The following ROBO1 variants were observed in gnomAD, a reference collection of about 807,000 sequenced individuals.
ROBO1 encodes roundabout homolog 1.
A neutral mutation model predicts 195.9 loss-of-function variants in ROBO1; 149 were observed. The observed-to-expected ratio is 0.76, with a 90% CI of 0.67 to 0.87. The LOEUF is 0.87. Ranked by LOEUF, ROBO1 falls within the 40% of genes least tolerant of loss-of-function variation. The probability of loss-of-function intolerance (pLI) is 0.00; values close to 1 mark genes in which losing one functional copy is unlikely to be tolerated. For missense variants in ROBO1, 1,933 were observed against 2,068.3 expected, an observed-to-expected ratio of 0.93 and a Z score of 1.27; for synonymous variants, 816 against 733.2, an observed-to-expected ratio of 1.11 and a Z score of -1.82.
intron 4 of ROBO1, among the ~76,000 whole-genome samples, chr3:78,930,015 A>G (rs1242755308): frequency 6.6e-6 from 1 of 152,180 alleles, no homozygotes; most frequent in East Asian, 1.9e-4. Context: ...GTTATCCCCA[A>G]AAGAGATACT....
intron 4 of ROBO1, among the ~76,000 whole-genome samples, chr3:78,784,167 A>G (rs1036257971): frequency 6.6e-6 from 1 of 152,164 alleles, no homozygotes; most frequent in African/African-American, 2.4e-5. Context: ...TCATATAACA[A>G]TAATAGTTTT....
At chr3:78,978,380 C>T (rs1392356507) in intron 3 of ROBO1, among the ~76,000 whole-genome samples, 1 of 152,060 alleles carries the variant, frequency 6.6e-6, no homozygotes, top group African/African-American at 2.4e-5. Context: ...CTTCCATAGA[C>T]TGCTGCTTTA....
intron 3 of ROBO1, among the ~76,000 whole-genome samples, chr3:78,953,470 A>G (rs924678367): frequency 6.6e-6 from 1 of 152,084 alleles, no homozygotes; most frequent in East Asian, 1.9e-4. Context: ...TGTAGTATGA[A>G]TTGTGTTAAG....
At chr3:79,740,564 A>G (rs1425882978) in intron 1 of ROBO1, among the ~76,000 whole-genome samples, 1 of 152,134 alleles carries the variant, frequency 6.6e-6, no homozygotes, top group Non-Finnish European at 1.5e-5. Flanking sequence ...GGCAGGACTG[A>G]GAATGAGTGC....
intron 2 of ROBO1, among the ~76,000 whole-genome samples, chr3:79,196,904 A>T (rs1310955284): frequency 1.3e-5 from 2 of 151,654 alleles, no homozygotes; most frequent in African/African-American, 4.8e-5. Flanking sequence ...TCTCTCTCTG[A>T]GTTTGCATTA....
At chr3:79,053,341 T>C (rs1337309749) in intron 3 of ROBO1, among the ~76,000 whole-genome samples, 3 of 151,992 alleles carry the variant, frequency 2.0e-5, no homozygotes, top group African/African-American at 7.2e-5. Flanking sequence ...TCCAGTGACT[T>C]TGGATTATGG....
chr3:79,561,500 C>T (rs1169508144), intron 2 of ROBO1, among the ~76,000 whole-genome samples: 2 of 152,052 alleles, frequency 1.3e-5, no homozygotes, highest in African/African-American at 2.4e-5. Context: ...AATTGAGGGA[C>T]AAGAGTAGAT....
At chr3:79,412,395 A>T (rs958531926) in intron 2 of ROBO1, among the ~76,000 whole-genome samples, 6 of 152,136 alleles carry the variant, frequency 3.9e-5, no homozygotes, top group African/African-American at 1.4e-4. Flanking sequence ...AATAAGGAAA[A>T]GCTGTGATTT....
At chr3:79,665,418 A>T (rs1946448309) in intron 1 of ROBO1, among the ~76,000 whole-genome samples, 1 of 151,848 alleles carries the variant, frequency 6.6e-6, no homozygotes, top group Non-Finnish European at 1.5e-5. Context: ...AAAAACATAT[A>T]TTTTCAGCTA....
Position 78,606,846 on chromosome 3 carries a change from C to A in ROBO1, c.4631G>T (p.Arg1544Leu), listed in dbSNP as rs760892507. The change falls in exon 29 of 31, where the codon CGA becomes CTA. Residue 1544 changes from arginine to leucine, a missense_variant. Arg to Leu is a moderately radical substitution (Grantham distance 102, BLOSUM62 -2). Coordinates refer to ENST00000464233, the MANE Select transcript of ROBO1 (RefSeq NM_002941.4). ...VLDGRQVVDM[R>L]TNPGDPREAQ... ...TTCTCTGGGATCACCTGGATTTGTTCGCATGTCAACAACCTGTCTTCCATC... is the reference window on the plus strand; with the variant it reads ...TTCTCTGGGATCACCTGGATTTGTTAGCATGTCAACAACCTGTCTTCCATC... 4 of 1,613,822 alleles carry A rather than the reference C, an allele frequency of 2.5e-6. No individual in the cohort carries two copies. The highest frequency in any genetic ancestry group is 3.4e-6 in the Non-Finnish European group (4 of 1,179,862).
At chr3:78,723,677 T>TG (rs552162117) in intron 5 of ROBO1, among the ~76,000 whole-genome samples, 1 of 151,776 alleles carries the variant, frequency 6.6e-6, no homozygotes, top group Non-Finnish European at 1.5e-5. Flanking sequence ...GAAGGGTGTG[T>TG]GGGGGGCGAT....
At chr3:79,454,865 G>T (rs1441336301) in intron 2 of ROBO1, among the ~76,000 whole-genome samples, 1 of 151,998 alleles carries the variant, frequency 6.6e-6, no homozygotes, top group Non-Finnish European at 1.5e-5. Context: ...GTAAAACACA[G>T]AATTTGTTAT....
chr3:79,264,887 A>G (rs560964819), intron 2 of ROBO1, among the ~76,000 whole-genome samples: 12 of 151,914 alleles, frequency 7.9e-5, no homozygotes, highest in Admixed American at 4.6e-4. Flanking sequence ...AGATAACATG[A>G]TCATAATTTC....
At chr3:78,990,752 C>A (rs1347759699) in intron 3 of ROBO1, among the ~76,000 whole-genome samples, 2 of 152,046 alleles carry the variant, frequency 1.3e-5, no homozygotes, top group Non-Finnish European at 2.9e-5. Context: ...CTAAAAAAAA[C>A]TACATACCAG....
At chr3:79,244,078 A>G (rs1576866898) in intron 2 of ROBO1, among the ~76,000 whole-genome samples, 1 of 152,100 alleles carries the variant, frequency 6.6e-6, no homozygotes, top group African/African-American at 2.4e-5. Context: ...TTTTGGTTCT[A>G]CCAGCAATCC....
chr3:79,097,311 G>T (rs1240917630), intron 3 of ROBO1, among the ~76,000 whole-genome samples: 2 of 151,814 alleles, frequency 1.3e-5, no homozygotes, highest in Non-Finnish European at 2.9e-5. Context: ...CATTATCTGA[G>T]TCAAAATCTA....
At chr3:78,631,133 T>A (rs897519455) in intron 25 of ROBO1, 28 bp downstream of exon 25, 1 of 1,597,558 alleles carries the variant, frequency 6.3e-7, no homozygotes, top group Non-Finnish European at 8.5e-7. Context: ...TATTACACTG[T>A]TTACATCTGT....
intron 2 of ROBO1, among the ~76,000 whole-genome samples, chr3:79,455,907 C>A (rs1158651732): frequency 1.3e-5 from 2 of 152,092 alleles, no homozygotes; most frequent in African/African-American, 4.8e-5. Flanking sequence ...TATAACTAAG[C>A]TTCCATCTGT....
chr3:79,706,690 C>A (rs1420455686), intron 1 of ROBO1, among the ~76,000 whole-genome samples: 1 of 152,062 alleles, frequency 6.6e-6, no homozygotes, highest in Non-Finnish European at 1.5e-5. Context: ...CACAAACTCT[C>A]TTTTTGCCTG....
Sources: allele counts gnomAD v4.1 joint callset (sites outside exome capture counted in the v4.1 genomes callset), GRCh38; gene constraint gnomAD v4.1.1; transcripts MANE v1.5; gene names NCBI Gene and HGNC (gene_info 2026-07-23, HGNC 2026-07-21).